The following RABL6 variants were observed in gnomAD, a reference collection of about 807,000 sequenced individuals.
RABL6 encodes RAB, member RAS oncogene family like 6, also known as rab-like protein 6.
In RABL6, 28 loss-of-function variants were observed where a neutral mutation model predicts 72.9. The ratio of observed to expected loss-of-function variants is 0.38; its 90% CI spans 0.28 to 0.53. RABL6 has a LOEUF of 0.53. RABL6 is among the 20% of genes least tolerant of loss of function. The pLI, the probability that RABL6 is intolerant of heterozygous loss-of-function variation, is 0.80. For synonymous variants in RABL6, 477 were observed against 421.2 expected (o/e 1.13, Z -1.62); for missense variants, 1,029 against 1,008.4 (o/e 1.02, Z -0.28).
chr9:136,816,844 G>A (rs1297677430), intron 1 of RABL6, among the ~76,000 whole-genome samples: 2 of 152,060 alleles, frequency 1.3e-5, no homozygotes. Flanking sequence ...CATATAGTAG[G>A]TGTGTATATG....
intron 1 of RABL6, chr9:136,809,071 T>C (rs1847943750): frequency 6.6e-6 from 1 of 152,284 alleles, no homozygotes; most frequent in Non-Finnish European, 1.5e-5. Context: ...TTTGAAAGCT[T>C]TTATGTGGTT....
rs142878116 is a variant in RABL6 at position 136,818,404 on chromosome 9, AC to A, written c.131-5119del. Among the ~76,000 whole-genome samples the A allele has an allele frequency of 2.1e-3, 58 of 27,590 alleles. 13 individuals are homozygous for A. Among genetic ancestry groups the A allele is most frequent in the East Asian group, 0.01 (7 of 698 alleles). The allele number at this position is 27,590 out of a possible 152,430, so 18.1% of individuals were successfully genotyped here. Reference sequence around the variant, plus strand: ...AAAAAAAAAAAAAAAAAAAAAAAAAACCAAAGGTAAGCAAAGAAACTGGTAA... The same window carrying A: ...AAAAAAAAAAAAAAAAAAAAAAAAAACAAAGGTAAGCAAAGAAACTGGTAA... On this transcript the variant is annotated intron_variant, in intron 1 of 14. Transcript: ENST00000311502.
chr9:136,808,575 C>G (rs1847924620), intron 1 of RABL6: 1 of 234,122 alleles, frequency 4.3e-6, no homozygotes, highest in African/African-American at 2.3e-5. Flanking sequence ...GCGTGTCGCT[C>G]CCGCCGCGCT....
At chr9:136,818,977 A>C (rs1848182439) in intron 1 of RABL6, among the ~76,000 whole-genome samples, 1 of 152,218 alleles carries the variant, frequency 6.6e-6, no homozygotes, top group Non-Finnish European at 1.5e-5. Context: ...GTGTAGAAAC[A>C]GGTTGCAAAT....
chr9:136,837,314 G>A (rs778164451), intron 8 of RABL6, 32 bp from the exon 9 acceptor site: 3 of 1,577,884 alleles, frequency 1.9e-6, no homozygotes, highest in Non-Finnish European at 1.7e-6. Flanking sequence ...AGGCAGGGGA[G>A]CCAGGCTTCT....
At chr9:136,830,823 C>T (rs1054048624) in intron 5 of RABL6, 1 of 152,488 alleles carries the variant, frequency 6.6e-6, no homozygotes, top group Non-Finnish European at 1.5e-5. Context: ...TTGGCAGCAC[C>T]AGCCTGGGCA....
At chr9:136,835,880 G>A (rs1051668958) in intron 8 of RABL6, 35 bp downstream of exon 8, 3 of 1,538,454 alleles carry the variant, frequency 2.0e-6, no homozygotes, top group Non-Finnish European at 2.6e-6. Flanking sequence ...GGGCGGTGTG[G>A]GGGCTGCGGG....
intron 4 of RABL6, among the ~76,000 whole-genome samples, chr9:136,828,941 G>GGCCTCGCACTCTCCGTGCGGT (rs1848414246): frequency 6.6e-6 from 1 of 152,174 alleles, no homozygotes; most frequent in Admixed American, 6.5e-5. Flanking sequence ...ACACACCCAG[G>GGCCTCGCACTCTCCGTGCGGT]GCCTCGCACT....
intron 5 of RABL6, among the ~76,000 whole-genome samples, chr9:136,829,935 C>T (rs542217803): frequency 8.5e-5 from 13 of 152,358 alleles, no homozygotes; most frequent in African/African-American, 2.9e-4. Flanking sequence ...GGGGACCAGG[C>T]GCAAGCCCCC....
chr9:136,818,007 A>C (rs1447539127), intron 1 of RABL6, among the ~76,000 whole-genome samples: 1 of 142,854 alleles, frequency 7.0e-6, no homozygotes, highest in Non-Finnish European at 1.5e-5. Flanking sequence ...AGTTGGAATG[A>C]GCTGAGATCG....
intron 7 of RABL6, chr9:136,834,244 G>C: frequency 8.7e-7 from 1 of 1,145,932 alleles, no homozygotes; most frequent in Non-Finnish European, 1.1e-6. Context: ...CCTGACCGTA[G>C]TACCTAATGT....
At chr9:136,815,544 C>G (rs1848102677) in intron 1 of RABL6, 1 of 223,790 alleles carries the variant, frequency 4.5e-6, no homozygotes, top group Non-Finnish European at 8.9e-6. Flanking sequence ...TAGTCTGAAG[C>G]TGCTGAGGAT....
At chr9:136,824,324 G>A (rs1281315311) in intron 2 of RABL6, among the ~76,000 whole-genome samples, 1 of 129,266 alleles carries the variant, frequency 7.7e-6, no homozygotes, top group Non-Finnish European at 1.6e-5. Flanking sequence ...TGGTTTGGTT[G>A]GGTTTTTTTT....
chr9:136,832,489 AT>A lies in RABL6; in HGVS notation c.705+121del, dbSNP rs771090501. 9.1e-6 allele frequency: 8 copies of A among 878,056 alleles called. No individual in the cohort carries two copies. The Admixed American group carries it at 1.2e-4, about 13-fold the overall frequency. The allele number at this position is 878,056 out of a possible 1,614,324, so 54.4% of individuals were successfully genotyped here. ...GAGAAAGCTGTGGACCTGCTCGGAGATTGGCTGCTGGCAAGGGCCCAGCGTT... is the reference window on the plus strand; with the variant it reads ...GAGAAAGCTGTGGACCTGCTCGGAGATGGCTGCTGGCAAGGGCCCAGCGTT... On this transcript the variant is annotated intron_variant, in intron 7 of 14. Transcript: ENST00000311502.
chr9:136,810,857 C>T (rs983377875), intron 1 of RABL6, among the ~76,000 whole-genome samples: 1 of 152,116 alleles, frequency 6.6e-6, no homozygotes, highest in African/African-American at 2.4e-5. Flanking sequence ...TATTTATTTT[C>T]TCAAATATTT....
rs1486096868 is a variant in RABL6, at chr9:136,840,909, C to G, written c.*387C>G. 5 of 1,494,236 alleles carry G rather than the reference C, an allele frequency of 3.3e-6. No homozygotes were observed. Among genetic ancestry groups the G allele is most frequent in the Non-Finnish European group, 4.5e-6 (5 of 1,117,390 alleles). 92.6% of individuals were successfully genotyped at this position (1,494,236 alleles called of 1,614,324 possible). A position where few individuals can be genotyped will look rare whatever the true frequency, so the allele number is the denominator to read the frequency against. On this transcript the variant is annotated 3_prime_UTR_variant, in exon 15 of 15. Coordinates refer to ENST00000311502, the MANE Select transcript of RABL6 (RefSeq NM_024718.5). ...TGCGCTGCCCCGGCACCTGCTTGCC[C>G]TCCGCGCTCATCTGGGGCCGCAGCA...
rs117587794 is a variant in RABL6 at position 136,817,668 on chromosome 9, C to T, written c.131-5857C>T. Reference sequence around the variant, plus strand: ...GCCGTGTGACTGGCTCCACTTCTGCCGAAGCTTGAGGCTCACTGTGCAAAG... The same window carrying T: ...GCCGTGTGACTGGCTCCACTTCTGCTGAAGCTTGAGGCTCACTGTGCAAAG... On this transcript the variant is annotated intron_variant, in intron 1 of 14. Transcript: ENST00000311502. Among the ~76,000 whole-genome samples the T allele has an allele frequency of 6.5e-3, 994 of 152,108 alleles. 15 individuals carry two copies. The highest frequency in any genetic ancestry group is 0.049 in the East Asian group (253 of 5,152).
intron 1 of RABL6, chr9:136,813,112 G>T: frequency 2.4e-6 from 1 of 408,726 alleles, no homozygotes; most frequent in Non-Finnish European, 4.6e-6. Context: ...AATGACTAAA[G>T]CCTCTTCAGT....
chr9:136,817,228 G>A (rs1326695244), intron 1 of RABL6, among the ~76,000 whole-genome samples: 2 of 152,088 alleles, frequency 1.3e-5, no homozygotes, highest in African/African-American at 2.4e-5. Flanking sequence ...GGGAGGAGGC[G>A]ATGCCAGCCC....
Sources: gnomAD v4.1 joint callset for allele counts (sites outside exome capture counted in the v4.1 genomes callset) on GRCh38, gnomAD v4.1.1 for gene constraint, MANE v1.5 for transcripts, NCBI Gene and HGNC (gene_info 2026-07-23, HGNC 2026-07-21) for gene names.